SLC24A4: variants seen among roughly 807,000 people sequenced by gnomAD.
SLC24A4 encodes sodium/potassium/calcium exchanger 4.
In SLC24A4, 53 loss-of-function variants were observed where a neutral mutation model predicts 79.0. That is an observed-to-expected ratio of 0.67 (90% CI 0.54 to 0.84). The LOEUF is 0.84. SLC24A4 is among the 40% of genes least tolerant of loss of function. SLC24A4 has a pLI of 0.00. For missense variants in SLC24A4, 731 were observed against 822.0 expected (o/e 0.89, Z 1.35); for synonymous variants, 323 against 323.8 (o/e 1.00, Z 0.03).
Position 92,474,864 on chromosome 14 carries a change from T to TATATATA in SLC24A4, c.1256-7816_1256-7815insATATATA, listed in dbSNP as rs1491176639. On this transcript the variant is annotated intron_variant, in intron 12 of 16. Coordinates refer to ENST00000532405, the MANE Select transcript of SLC24A4 (RefSeq NM_153646.4). ...GTGTGTATATATATATATATATATATTTTTTTTTTTTTTAGTAGACACAGG... is the reference window on the plus strand; with the variant it reads ...GTGTGTATATATATATATATATATATATATATATTTTTTTTTTTTTAGTAGACACAGG... 3.2e-3 allele frequency among the ~76,000 whole-genome samples: 125 copies of TATATATA among 38,874 alleles called. 2 individuals are homozygous for TATATATA. Among genetic ancestry groups the TATATATA allele is most frequent in the African/African-American group, 4.9e-3 (44 of 8,942 alleles). 25.5% of individuals were successfully genotyped at this position (38,874 alleles called of 152,430 possible). A position where few individuals can be genotyped will look rare whatever the true frequency, so the allele number is the denominator to read the frequency against.
intron 12 of SLC24A4, among the ~76,000 whole-genome samples, chr14:92,477,636 G>T (rs1894841557): frequency 6.6e-6 from 1 of 152,004 alleles, no homozygotes; most frequent in South Asian, 2.1e-4. Context: ...TGTATTTTTT[G>T]TAGAGATGAG....
Position 92,353,298 on chromosome 14 carries a change from A to G in SLC24A4, c.241+27320A>G, listed in dbSNP as rs1048172965. ...CTTTTCCCATCCTTTAATCATCTACATAGTATTCTATTGTGCGGATGTGCT... is the reference window on the plus strand; with the variant it reads ...CTTTTCCCATCCTTTAATCATCTACGTAGTATTCTATTGTGCGGATGTGCT... On this transcript the variant is annotated intron_variant, in intron 2 of 16. Transcript: ENST00000532405. The surrounding 1 kb of genome is among the most constrained non-coding windows in gnomAD (Gnocchi z 4.1). Among the ~76,000 whole-genome samples the G allele has an allele frequency of 1.3e-5, 2 of 152,238 alleles. No individual in the cohort carries two copies. Among genetic ancestry groups the G allele is most frequent in the African/African-American group, 2.4e-5 (1 of 41,466 alleles).
At chr14:92,343,643 TCTTTCCTTCTTTCCTTCC>T (rs1886327213) in intron 2 of SLC24A4, among the ~76,000 whole-genome samples, 39 of 112,244 alleles carry the variant, frequency 3.5e-4, no homozygotes, top group African/African-American at 1.3e-3. Context: ...TTTCTTTCTC[TCTTTCCTTCTTTCCTTCC>T]TTCCTTCCTT....
Position 92,442,096 on chromosome 14 carries a change from A to G in SLC24A4, c.401A>G (p.His134Arg), listed in dbSNP as rs1464595508. The G allele has an allele frequency of 2.5e-6, 4 of 1,613,756 alleles. No homozygotes were observed. The South Asian group carries it at 4.4e-5, about 18-fold the overall frequency. ...TGGTCACTTCCGTTTCAGAGACTCC[A>G]TCTGAGCGAAGATGTGGCTGGAGCC... ...PSLEKICERL[H>R]LSEDVAGATF... Residue 134 changes from histidine (H) to arginine (R), a missense_variant, in exon 5 of 17, where the codon CAT (histidine) becomes CGT (arginine). His to Arg is a conservative substitution (Grantham distance 29). Coordinates refer to ENST00000532405, the MANE Select transcript of SLC24A4 (RefSeq NM_153646.4).
Position 92,323,500 on chromosome 14 carries a change from G to A in SLC24A4, c.-331G>A, listed in dbSNP as rs1364243230. The A allele has an allele frequency of 5.7e-6, 1 of 175,826 alleles. No individual in the cohort carries two copies. Among genetic ancestry groups the A allele is most frequent in the East Asian group, 1.5e-4 (1 of 6,690 alleles). 10.9% of individuals were successfully genotyped at this position (175,826 alleles called of 1,614,324 possible). Reference sequence around the variant, plus strand: ...GAGCCGGCCGAAGCGGAGCGGGCAGGTAGCGGCTCTAGCGCCGGGACTGCG... The same window carrying A: ...GAGCCGGCCGAAGCGGAGCGGGCAGATAGCGGCTCTAGCGCCGGGACTGCG... On this transcript the variant is annotated 5_prime_UTR_variant, in exon 1 of 17. Transcript: ENST00000532405. This position sits in a 1 kb window ranked among gnomAD's most constrained non-coding sequence, Gnocchi z 4.9.
At chr14:92,343,220 C>T (rs1274367601) in intron 2 of SLC24A4, among the ~76,000 whole-genome samples, 2 of 152,232 alleles carry the variant, frequency 1.3e-5, no homozygotes, top group African/African-American at 4.8e-5. Context: ...CCATTGTTTG[C>T]TTGATAGGGT....
intron 2 of SLC24A4, among the ~76,000 whole-genome samples, chr14:92,393,900 A>G (rs2141744213): frequency 6.6e-6 from 1 of 152,156 alleles, no homozygotes; most frequent in Non-Finnish European, 1.5e-5. Flanking sequence ...AATCCCAGCT[A>G]CTTGGGAGGC....
chr14:92,352,849 TAATCA>T, intron 2 of SLC24A4, among the ~76,000 whole-genome samples: 1 of 152,194 alleles, frequency 6.6e-6, no homozygotes. Flanking sequence ...GTTTCTGAGT[TAATCA>T]AACAGGAAAT....
At chr14:92,411,504 C>T (rs778059096) in intron 2 of SLC24A4, among the ~76,000 whole-genome samples, 1 of 152,182 alleles carries the variant, frequency 6.6e-6, no homozygotes, top group South Asian at 2.1e-4. Context: ...TAGGTTCTTA[C>T]TGAAACACGT....
intron 1 of SLC24A4, among the ~76,000 whole-genome samples, chr14:92,325,490 G>C (rs1446757529): frequency 6.6e-6 from 1 of 152,232 alleles, no homozygotes; most frequent in Non-Finnish European, 1.5e-5. Context: ...CCACCTGCTT[G>C]CTGACTTGCT....
chr14:92,408,505 C>A, intron 2 of SLC24A4: 1 of 883,996 alleles, frequency 1.1e-6, no homozygotes. Flanking sequence ...GAGGAGTGAG[C>A]CAAGGTAGAA....
chr14:92,477,034 G>A (rs949686911), intron 12 of SLC24A4, among the ~76,000 whole-genome samples: 11 of 152,114 alleles, frequency 7.2e-5, no homozygotes, highest in African/African-American at 1.7e-4. Context: ...TTTTGGTATG[G>A]ACATATATTT....
chr14:92,460,121 G>C (rs577826195), intron 12 of SLC24A4, among the ~76,000 whole-genome samples: 39 of 152,248 alleles, frequency 2.6e-4, no homozygotes, highest in Non-Finnish European at 2.1e-4. Context: ...GTCTAGCCCC[G>C]TGCCAATGTG....
chr14:92,347,851 T>C (rs1219566641), intron 2 of SLC24A4, among the ~76,000 whole-genome samples: 2 of 152,116 alleles, frequency 1.3e-5, no homozygotes, highest in Non-Finnish European at 2.9e-5. Context: ...GCTTGAACCC[T>C]GGAAGGAGAG....
At chr14:92,422,013 A>T (rs1891309600) in intron 2 of SLC24A4, among the ~76,000 whole-genome samples, 2 of 152,212 alleles carry the variant, frequency 1.3e-5, no homozygotes, top group South Asian at 4.1e-4. Flanking sequence ...GCTGCAAACA[A>T]ACCACGAGTG....
rs548907844 is a variant in SLC24A4, at chr14:92,423,101, G to A, written c.242-10811G>A. 5.3e-5 allele frequency among the ~76,000 whole-genome samples: 8 copies of A among 151,680 alleles called. No homozygotes were observed. The South Asian group carries it at 1.0e-3, about 20-fold the overall frequency. On this transcript the variant is annotated intron_variant, in intron 2 of 16. Transcript: ENST00000532405. ...ACTAGGCTTACAGGTGTGAGCTGCC[G>A]CACCCAGCCCCTAATTTACTTTATT...
At chr14:92,439,775 G>A (rs956412376) in intron 4 of SLC24A4, among the ~76,000 whole-genome samples, 3 of 152,252 alleles carry the variant, frequency 2.0e-5, no homozygotes, top group Non-Finnish European at 4.4e-5. Flanking sequence ...GCAGGTGACA[G>A]GTGGGCCCAC....
chr14:92,390,664 T>C (rs2141734186), intron 2 of SLC24A4, among the ~76,000 whole-genome samples: 1 of 152,328 alleles, frequency 6.6e-6, no homozygotes, highest in African/African-American at 2.4e-5. Context: ...GTAAGCCTTC[T>C]GGTGCCTTTC....
At chr14:92,396,604 A>G (rs775129700) in intron 2 of SLC24A4, among the ~76,000 whole-genome samples, 1 of 152,214 alleles carries the variant, frequency 6.6e-6, no homozygotes, top group Non-Finnish European at 1.5e-5. Flanking sequence ...ACAACTTCAT[A>G]CCATATTTCA....
Sources: allele counts gnomAD v4.1 joint callset (sites outside exome capture counted in the v4.1 genomes callset), GRCh38; gene constraint gnomAD v4.1.1; non-coding constraint Gnocchi (gnomAD v3.1); transcripts MANE v1.5; gene names NCBI Gene and HGNC (gene_info 2026-07-23, HGNC 2026-07-21).